Variants in CNBD1 observed in about 807,000 individuals in gnomAD.
CNBD1 encodes cyclic nucleotide-binding domain-containing protein 1.
In CNBD1, 71 loss-of-function variants were observed where a neutral mutation model predicts 54.4. The ratio of observed to expected loss-of-function variants is 1.30; its 90% CI spans 1.08 to 1.59. The LOEUF (loss-of-function observed/expected upper bound fraction) is 1.59. Ranked by LOEUF, CNBD1 falls within the 40% of genes most tolerant of loss-of-function variation. The probability of loss-of-function intolerance (pLI) is 0.00; values close to 1 mark genes in which losing one functional copy is unlikely to be tolerated. For synonymous variants in CNBD1, 182 were observed against 170.7 expected (o/e 1.07, Z -0.51); for missense variants, 659 against 518.0 (o/e 1.27, Z -2.64).
intron 4 of CNBD1, among the ~76,000 whole-genome samples, chr8:86,967,858 C>A (rs561413734): frequency 9.7e-4 from 144 of 149,026 alleles, no homozygotes; most frequent in African/African-American, 3.2e-3. Context: ...CTGCTAGTAG[C>A]TCTGTAATTT....
chr8:87,000,164 C>G (rs1198414893), intron 4 of CNBD1, among the ~76,000 whole-genome samples: 1 of 151,960 alleles, frequency 6.6e-6, no homozygotes, highest in Non-Finnish European at 1.5e-5. Context: ...GAGAGGGACC[C>G]AGGTTGGAGG....
chr8:87,340,606 TG>T (rs551535146), intron 8 of CNBD1, among the ~76,000 whole-genome samples: 1,536 of 152,196 alleles, frequency 0.01, 18 homozygotes, highest in South Asian at 0.03. Flanking sequence ...TTTCTGTTGT[TG>T]TTTTTTTTCC....
intron 8 of CNBD1, among the ~76,000 whole-genome samples, chr8:87,288,970 G>A (rs1412045102): frequency 2.0e-5 from 3 of 151,974 alleles, no homozygotes; most frequent in Non-Finnish European, 4.4e-5. Context: ...TTTCTTTTAT[G>A]GTAGTGACAA....
At chr8:87,322,622 A>G (rs1275074676) in intron 8 of CNBD1, among the ~76,000 whole-genome samples, 1 of 94,516 alleles carries the variant, frequency 1.1e-5, no homozygotes, top group Admixed American at 1.1e-4. Context: ...GTGTCTGTTC[A>G]TGTCCTTCGC....
chr8:87,313,329 A>G (rs1281453945), intron 8 of CNBD1, among the ~76,000 whole-genome samples: 3 of 152,088 alleles, frequency 2.0e-5, no homozygotes. Context: ...CTATCCAAGA[A>G]GAAATGACAT....
At chr8:87,071,168 T>C (rs1245021383) in intron 4 of CNBD1, among the ~76,000 whole-genome samples, 1 of 152,132 alleles carries the variant, frequency 6.6e-6, no homozygotes, top group Non-Finnish European at 1.5e-5. Flanking sequence ...ATCTATTTTA[T>C]GTATTTTTGC....
In CNBD1 at chr8:87,170,950, C is replaced by T. The variant is rs142374837; in HGVS notation, c.432-35043C>T. On this transcript the variant is annotated intron_variant, in intron 4 of 10. Transcript: ENST00000518476. ...TTGAGGATTTTGCACCAATATTCATCGGAGATATTGGTCTGTAGGTTTTTT... is the reference window on the plus strand; with the variant it reads ...TTGAGGATTTTGCACCAATATTCATTGGAGATATTGGTCTGTAGGTTTTTT... 2.7e-3 allele frequency among the ~76,000 whole-genome samples: 415 copies of T among 152,138 alleles called. 4 individuals carry two copies. Among genetic ancestry groups the T allele is most frequent in the Admixed American group, 3.9e-3 (60 of 15,268 alleles).
chr8:87,311,269 C>G (rs1236266014), intron 8 of CNBD1, among the ~76,000 whole-genome samples: 1 of 151,878 alleles, frequency 6.6e-6, no homozygotes, highest in Non-Finnish European at 1.5e-5. Flanking sequence ...AACAAAAAAA[C>G]TCACCTAAAA....
chr8:87,395,516 A>C (rs534604937), intron 2 of CNBD1, among the ~76,000 whole-genome samples: 2 of 152,002 alleles, frequency 1.3e-5, no homozygotes, highest in African/African-American at 4.8e-5. Flanking sequence ...AGTTCTGAGT[A>C]TAATAGAAGT....
At chr8:87,380,102 A>T (rs569964065) in intron 10 of CNBD1, among the ~76,000 whole-genome samples, 2 of 152,080 alleles carry the variant, frequency 1.3e-5, no homozygotes, top group South Asian at 2.1e-4. Flanking sequence ...GTGTTTGCTT[A>T]TTATAATTAC....
chr8:87,240,789 T>TC (rs1254994198), intron 6 of CNBD1, among the ~76,000 whole-genome samples: 2 of 152,110 alleles, frequency 1.3e-5, no homozygotes, highest in East Asian at 3.9e-4. Context: ...TCAGGGTGTT[T>TC]CCCCTCCTGC....
At chr8:87,339,891 C>A (rs953681782) in intron 8 of CNBD1, among the ~76,000 whole-genome samples, 3 of 152,052 alleles carry the variant, frequency 2.0e-5, no homozygotes, top group Non-Finnish European at 4.4e-5. Context: ...TTGCTTTTAA[C>A]TTCTATACCA....
chr8:87,050,807 G>C (rs1810296063), intron 4 of CNBD1, among the ~76,000 whole-genome samples: 1 of 152,168 alleles, frequency 6.6e-6, no homozygotes, highest in Non-Finnish European at 1.5e-5. Context: ...CCTAATATTG[G>C]ATGTTGCAGG....
At chr8:87,183,068 A>G (rs1249723166) in intron 4 of CNBD1, among the ~76,000 whole-genome samples, 1 of 152,046 alleles carries the variant, frequency 6.6e-6, no homozygotes, top group Non-Finnish European at 1.5e-5. Context: ...TTTTGAGTTG[A>G]TTTTTGAATA....
intron 8 of CNBD1, among the ~76,000 whole-genome samples, chr8:87,328,246 T>C (rs566934215): frequency 1.3e-5 from 2 of 152,184 alleles, no homozygotes; most frequent in African/African-American, 4.8e-5. Flanking sequence ...TTTCCTTCAT[T>C]GTTTATTTTT....
rs1031918900 is a variant in CNBD1, at chr8:87,328,398, A to G, written c.1043-23287A>G. Among the ~76,000 whole-genome samples, 25 of 151,622 alleles carry G rather than the reference A, an allele frequency of 1.6e-4. 1 individual carries two copies. The highest frequency in any genetic ancestry group is 3.1e-4 in the Non-Finnish European group (21 of 67,838). On this transcript the variant is annotated intron_variant, in intron 8 of 10. Transcript: ENST00000518476. ...TTTAATACTTTAATTATTGTGTATA[A>G]TTTTTTAAATTATGTTTAATTTTTT... is the stretch of plus-strand genomic sequence containing the variant.
At chr8:86,975,485 A>C (rs1214835197) in intron 4 of CNBD1, among the ~76,000 whole-genome samples, 1 of 151,932 alleles carries the variant, frequency 6.6e-6, no homozygotes, top group Admixed American at 6.6e-5. Flanking sequence ...TGAGTATTTA[A>C]CTTTTTGTGC....
intron 6 of CNBD1, among the ~76,000 whole-genome samples, chr8:87,258,542 C>T (rs969034490): frequency 2.6e-5 from 4 of 152,020 alleles, no homozygotes; most frequent in Non-Finnish European, 5.9e-5. Flanking sequence ...CTGCCCTCCT[C>T]AGCCTCCCAA....
intron 2 of CNBD1, among the ~76,000 whole-genome samples, chr8:87,403,235 G>C (rs1356593581): frequency 6.6e-6 from 1 of 152,010 alleles, no homozygotes; most frequent in African/African-American, 2.4e-5. Context: ...ACTTCTGCTG[G>C]TGAGCAAGAG....
Sources: gnomAD v4.1 joint callset for allele counts (sites outside exome capture counted in the v4.1 genomes callset) on GRCh38, gnomAD v4.1.1 for gene constraint, MANE v1.5 for transcripts, NCBI Gene and HGNC (gene_info 2026-07-23, HGNC 2026-07-21) for gene names.